The following SATB2 variants were observed in gnomAD, a reference collection of about 807,000 sequenced individuals.
SATB2 encodes SATB homeobox 2, also known as DNA-binding protein SATB2.
A neutral mutation model predicts 73.4 loss-of-function variants in SATB2; 1 was observed. The observed-to-expected ratio is 0.01, with a 90% confidence interval of 0.00 to 0.06. The LOEUF is 0.06. Ranked by LOEUF, SATB2 falls within the 10% of genes least tolerant of loss-of-function variation. SATB2 has a pLI of 1.00. For missense variants in SATB2, 459 were observed against 945.8 expected (o/e 0.49, Z 6.75); for synonymous variants, 397 against 367.0 (o/e 1.08, Z -0.93).
intron 3 of SATB2, among the ~76,000 whole-genome samples, chr2:199,431,123 C>T (rs1691488935): frequency 6.6e-6 from 1 of 152,186 alleles, no homozygotes. Context: ...GAACAAAAAA[C>T]TACCCCCATA....
intron 10 of SATB2, among the ~76,000 whole-genome samples, chr2:199,285,695 T>G (rs538383639): frequency 2.4e-4 from 36 of 150,974 alleles, no homozygotes; most frequent in African/African-American, 8.5e-4. Flanking sequence ...CAATTGCTCT[T>G]AGCACATACA....
At chr2:199,382,732 CAG>C (rs1328537668) in intron 3 of SATB2, among the ~76,000 whole-genome samples, 2 of 152,064 alleles carry the variant, frequency 1.3e-5, no homozygotes, top group African/African-American at 4.8e-5. Context: ...ACATATGACA[CAG>C]GGTAACAAAA....
intron 2 of SATB2, among the ~76,000 whole-genome samples, chr2:199,451,091 A>AACACACACACACAC (rs56071011): frequency 2.2e-5 from 3 of 139,222 alleles, no homozygotes; most frequent in African/African-American, 8.0e-5. Context: ...ATGTAGTTCC[A>AACACACACACACAC]ACACACACAC....
chr2:199,339,993 T>C (rs1229722341), intron 7 of SATB2, among the ~76,000 whole-genome samples: 5 of 152,184 alleles, frequency 3.3e-5, no homozygotes, highest in Non-Finnish European at 7.3e-5. Flanking sequence ...ACCTTAATAA[T>C]TTGGGGCATG....
intron 9 of SATB2, among the ~76,000 whole-genome samples, chr2:199,320,282 T>C (rs1687849994): frequency 6.6e-6 from 1 of 152,206 alleles, no homozygotes; most frequent in South Asian, 2.1e-4. Context: ...ACTGTCATTC[T>C]ATTCCATGAT....
intron 10 of SATB2, among the ~76,000 whole-genome samples, chr2:199,279,383 G>A (rs1692412234): frequency 6.6e-6 from 1 of 152,214 alleles, no homozygotes; most frequent in South Asian, 2.1e-4. Flanking sequence ...AAAACCAGCT[G>A]GGAGCCAAGT....
At chr2:199,392,819 C>T (rs1006744327) in intron 3 of SATB2, among the ~76,000 whole-genome samples, 21 of 152,116 alleles carry the variant, frequency 1.4e-4, no homozygotes, top group African/African-American at 4.8e-4. Flanking sequence ...TTAAAGTGCA[C>T]TGAAAATTAT....
chr2:199,357,572 C>T (rs746872757), intron 6 of SATB2, among the ~76,000 whole-genome samples: 1 of 152,046 alleles, frequency 6.6e-6, no homozygotes, highest in Non-Finnish European at 1.5e-5. Context: ...TAACATCTGC[C>T]TATGATTTAA....
At chr2:199,461,329 T>G (rs182237796), upstream of SATB2, among the ~76,000 whole-genome samples, 135 of 152,348 alleles carry the variant, frequency 8.9e-4, 1 homozygote, top group Non-Finnish European at 1.5e-3. Flanking sequence ...AGGTTTAATT[T>G]CGACAATAAG....
intron 6 of SATB2, among the ~76,000 whole-genome samples, chr2:199,352,274 T>C (rs541409932): frequency 2.0e-5 from 3 of 152,350 alleles, no homozygotes; most frequent in African/African-American, 4.8e-5. Context: ...TTTTCATTTT[T>C]CAACAATTTA....
intron 10 of SATB2, among the ~76,000 whole-genome samples, chr2:199,292,013 A>G (rs1380405594): frequency 6.6e-6 from 1 of 152,210 alleles, no homozygotes; most frequent in Non-Finnish European, 1.5e-5. Context: ...AGAAGAGAAC[A>G]GATTTAATGA....
At chr2:199,345,883 A>C (rs1688636809) in intron 7 of SATB2, among the ~76,000 whole-genome samples, 1 of 152,112 alleles carries the variant, frequency 6.6e-6, no homozygotes, top group Non-Finnish European at 1.5e-5. Flanking sequence ...TTGTCTTGGC[A>C]CTCAAGGCCT....
At position 199,463,237 on chromosome 2, in the gene SATB2, G is replaced by T. The variant is rs1008121169; in HGVS notation, c.-141+1599C>A. ...GTCCCCTTCTGCAACCACGCTGCGA[G>T]AGAATGACTGCCCTGCTAATCTAGT... On this transcript the variant is annotated intron_variant, in intron 1 of 11. Coordinates refer to the SATB2 transcript ENST00000260926. This position sits in a 1 kb window ranked among gnomAD's most constrained non-coding sequence, Gnocchi z 6.4. Among the ~76,000 whole-genome samples, 1 of 152,186 alleles carries T rather than the reference G, an allele frequency of 6.6e-6. No individual in the cohort carries two copies. The highest frequency in any genetic ancestry group is 2.4e-5 in the African/African-American group (1 of 41,464).
intron 3 of SATB2, among the ~76,000 whole-genome samples, chr2:199,418,385 C>T (rs372334598): frequency 3.3e-5 from 5 of 152,226 alleles, no homozygotes; most frequent in East Asian, 1.9e-4. Flanking sequence ...GCGAAGTCAT[C>T]GTGATCAATT....
chr2:199,339,419 T>C (rs1688437522), intron 7 of SATB2, among the ~76,000 whole-genome samples: 1 of 152,192 alleles, frequency 6.6e-6, no homozygotes, highest in Admixed American at 6.5e-5. Context: ...ACCAGGGCCA[T>C]CTCTTCCTAC....
At chr2:199,391,796 A>G in intron 3 of SATB2, among the ~76,000 whole-genome samples, 1 of 152,188 alleles carries the variant, frequency 6.6e-6, no homozygotes, top group East Asian at 1.9e-4. Context: ...ACAATGGCCT[A>G]TTTGAGCCCC....
At chr2:199,357,201 G>T (rs1177742402) in intron 6 of SATB2, among the ~76,000 whole-genome samples, 1 of 152,184 alleles carries the variant, frequency 6.6e-6, no homozygotes, top group Admixed American at 6.6e-5. Flanking sequence ...CTTTGTATTT[G>T]CATGTTTGTG....
intron 3 of SATB2, among the ~76,000 whole-genome samples, chr2:199,427,190 T>C (rs1691362065): frequency 6.6e-6 from 1 of 152,226 alleles, no homozygotes; most frequent in Admixed American, 6.5e-5. Context: ...TAATTGTTTA[T>C]TTAAAATCAT....
intron 10 of SATB2, among the ~76,000 whole-genome samples, chr2:199,304,187 C>A (rs868011743): frequency 6.6e-6 from 1 of 152,160 alleles, no homozygotes; most frequent in Non-Finnish European, 1.5e-5. Flanking sequence ...AATTGTAAAA[C>A]GGAGTTGGTA....
Sources: allele counts gnomAD v4.1 joint callset (sites outside exome capture counted in the v4.1 genomes callset), GRCh38; gene constraint gnomAD v4.1.1; non-coding constraint Gnocchi (gnomAD v3.1); transcripts MANE v1.5; gene names NCBI Gene and HGNC (gene_info 2026-07-23, HGNC 2026-07-21).